WDPCP: variants seen among roughly 807,000 people sequenced by gnomAD.
WDPCP encodes the protein WD repeat containing planar cell polarity effector.
A neutral mutation model predicts 93.1 loss-of-function variants in WDPCP; 71 were observed. The ratio of observed to expected loss-of-function variants is 0.76; its 90% confidence interval spans 0.63 to 0.93. The LOEUF (loss-of-function observed/expected upper bound fraction) is 0.93, where lower values mean the gene tolerates loss of function less well. Ranked by LOEUF, WDPCP falls within the 40% of genes least tolerant of loss-of-function variation. The pLI, the probability that WDPCP is intolerant of heterozygous loss-of-function variation, is 0.00. For missense variants in WDPCP, 844 were observed against 887.4 expected, an observed-to-expected ratio of 0.95 and a Z score of 0.62; for synonymous variants, 315 against 315.0, an observed-to-expected ratio of 1.00 and a Z score of 0.00.
chr2:63,597,297 C>G, intron 3 of WDPCP: 6 of 1,269,938 alleles, frequency 4.7e-6, no homozygotes, highest in Non-Finnish European at 5.0e-6. Context: ...TATGTAAACA[C>G]TTGCAACAAG....
chr2:63,630,626 G>C (rs1475481217), intron 3 of WDPCP, among the ~76,000 whole-genome samples: 1 of 151,914 alleles, frequency 6.6e-6, no homozygotes. Flanking sequence ...AATATGTGAA[G>C]CAAAAACTGA....
At chr2:63,711,633 G>C (rs1157685939) in intron 2 of WDPCP, 1 of 152,296 alleles carries the variant, frequency 6.6e-6, no homozygotes, top group Non-Finnish European at 1.5e-5. Context: ...GTCTGGTGGT[G>C]TGCAAATGTC....
At chr2:63,659,835 G>A (rs1012197308) in intron 2 of WDPCP, among the ~76,000 whole-genome samples, 1 of 152,172 alleles carries the variant, frequency 6.6e-6, no homozygotes, top group Non-Finnish European at 1.5e-5. Flanking sequence ...CTGTGGCAAG[G>A]TTGTAGGACC....
intron 2 of WDPCP, among the ~76,000 whole-genome samples, chr2:63,742,616 A>G (rs899563209): frequency 6.6e-6 from 1 of 150,570 alleles, no homozygotes; most frequent in Non-Finnish European, 1.5e-5. Flanking sequence ...CTTTTTTCTT[A>G]TAAATTCTAA....
At chr2:63,528,089 T>A (rs1454618487) in intron 1 of WDPCP, among the ~76,000 whole-genome samples, 1 of 152,162 alleles carries the variant, frequency 6.6e-6, no homozygotes, top group Non-Finnish European at 1.5e-5. Flanking sequence ...CTTGTAAATT[T>A]GAGTTCTTTG....
intron 2 of WDPCP, among the ~76,000 whole-genome samples, chr2:63,489,231 C>T (rs1288459720): frequency 1.3e-5 from 2 of 151,860 alleles, no homozygotes; most frequent in Non-Finnish European, 2.9e-5. Context: ...AATAGGGGAG[C>T]TCCAGGTTTC....
chr2:63,145,001 C>G (rs1325239843), intron 17 of WDPCP, among the ~76,000 whole-genome samples: 1 of 152,264 alleles, frequency 6.6e-6, no homozygotes, highest in African/African-American at 2.4e-5. Flanking sequence ...TTCCTGTGAG[C>G]TGTACTACAG....
chr2:63,245,055 C>T (rs1163523765), intron 14 of WDPCP, among the ~76,000 whole-genome samples: 1 of 152,154 alleles, frequency 6.6e-6, no homozygotes, highest in Admixed American at 6.6e-5. Context: ...CCGCCTGTGA[C>T]AGGTGGCAAT....
chr2:63,505,334 A>T (rs2106038813), intron 1 of WDPCP, among the ~76,000 whole-genome samples: 1 of 152,186 alleles, frequency 6.6e-6, no homozygotes, highest in Admixed American at 6.5e-5. Context: ...TTCTTATTGA[A>T]ATGAAAGCCT....
intron 13 of WDPCP, among the ~76,000 whole-genome samples, chr2:63,263,706 A>G (rs530084085): frequency 6.6e-6 from 1 of 152,326 alleles, no homozygotes; most frequent in Admixed American, 6.5e-5. Context: ...TTGGCTGTAT[A>G]TTTCATTTTT....
chr2:63,578,216 C>G (rs1708246483), intron 1 of WDPCP, among the ~76,000 whole-genome samples: 1 of 152,214 alleles, frequency 6.6e-6, no homozygotes, highest in East Asian at 1.9e-4. Context: ...TACTGGAAAT[C>G]CTTGTCCCAG....
intron 3 of WDPCP, among the ~76,000 whole-genome samples, chr2:63,596,543 G>A (rs1237847215): frequency 2.0e-5 from 3 of 152,288 alleles, no homozygotes; most frequent in South Asian, 4.1e-4. Context: ...TGCCAGATAT[G>A]AATATGACAG....
chr2:63,565,694 A>T (rs1222786075), intron 1 of WDPCP, among the ~76,000 whole-genome samples: 1 of 152,220 alleles, frequency 6.6e-6, no homozygotes, highest in Non-Finnish European at 1.5e-5. Flanking sequence ...ACATTAGTTA[A>T]GCCTCTATTT....
At chr2:63,520,918 A>AT (rs1191824228) in intron 1 of WDPCP, among the ~76,000 whole-genome samples, 2 of 138,318 alleles carry the variant, frequency 1.4e-5, no homozygotes, top group Admixed American at 1.5e-4. Context: ...AAAAAAAAAG[A>AT]TTTTTCAACC....
At chr2:63,621,359 C>G (rs1339056122) in intron 3 of WDPCP, among the ~76,000 whole-genome samples, 1 of 151,764 alleles carries the variant, frequency 6.6e-6, no homozygotes, top group Non-Finnish European at 1.5e-5. Context: ...AAAAACAGCA[C>G]AAGAACTTCG....
intron 3 of WDPCP, among the ~76,000 whole-genome samples, chr2:63,605,586 T>G (rs909363026): frequency 3.3e-5 from 5 of 152,222 alleles, no homozygotes; most frequent in Non-Finnish European, 5.9e-5. Flanking sequence ...TTACATGACA[T>G]TACTATTATA....
rs1287637565 is a variant in WDPCP, at chr2:63,433,955, C to T, written c.634-19G>A. ...AGAAAATCTAACAATTTTAAAAAAG[C>T]ATACATGAAACATTTCTTTTAAAAG... On this transcript the variant is annotated intron_variant, in intron 8 of 17. Transcript: ENST00000272321. 1 of 1,610,118 alleles carries T rather than the reference C, an allele frequency of 6.2e-7. No individual in the cohort carries two copies. The highest frequency in any genetic ancestry group is 2.2e-5 in the East Asian group (1 of 44,802).
At chr2:63,633,382 T>G (rs906763619) in intron 3 of WDPCP, among the ~76,000 whole-genome samples, 2 of 152,152 alleles carry the variant, frequency 1.3e-5, no homozygotes, top group Admixed American at 1.3e-4. Flanking sequence ...TAAAAATAAC[T>G]AAAGCTACAT....
At chr2:63,476,171 C>T (rs1699960251) in intron 6 of WDPCP, among the ~76,000 whole-genome samples, 1 of 152,068 alleles carries the variant, frequency 6.6e-6, no homozygotes, top group African/African-American at 2.4e-5. Context: ...CAGGCTAATC[C>T]TTCTATAAGC....
Sources: allele counts gnomAD v4.1 joint callset (sites outside exome capture counted in the v4.1 genomes callset), GRCh38; gene constraint gnomAD v4.1.1; transcripts MANE v1.5; gene names NCBI Gene and HGNC (gene_info 2026-07-23, HGNC 2026-07-21).